GALNTL6: variants seen among roughly 807,000 people sequenced by gnomAD.
GALNTL6 encodes polypeptide N-acetylgalactosaminyltransferase like 6.
In GALNTL6, 46 loss-of-function variants were observed where a neutral mutation model predicts 73.7. The observed-to-expected ratio is 0.62, with a 90% confidence interval of 0.49 to 0.80. The LOEUF (loss-of-function observed/expected upper bound fraction) is 0.80. Among genes scored for constraint, GALNTL6 ranks in the 30% least tolerant of loss-of-function variants. GALNTL6 has a pLI of 0.00. For missense variants in GALNTL6, 604 were observed against 755.0 expected, an observed-to-expected ratio of 0.80 and a Z score of 2.34; for synonymous variants, 259 against 263.7, an observed-to-expected ratio of 0.98 and a Z score of 0.17.
intron 7 of GALNTL6, 120 bp from the exon 8 acceptor site, chr4:172,882,670 C>T: frequency 1.4e-6 from 1 of 709,302 alleles, no homozygotes; most frequent in Admixed American, 2.0e-5. Context: ...AAAACCAGTG[C>T]TGAAAAGTTC....
At chr4:172,017,360 G>T (rs1273578615) in intron 2 of GALNTL6, among the ~76,000 whole-genome samples, 1 of 152,142 alleles carries the variant, frequency 6.6e-6, no homozygotes, top group African/African-American at 2.4e-5. Context: ...GGGAGGGATT[G>T]TGACTCTGCT....
At chr4:172,644,362 T>C (rs1740134560) in intron 5 of GALNTL6, among the ~76,000 whole-genome samples, 1 of 151,860 alleles carries the variant, frequency 6.6e-6, no homozygotes, top group Admixed American at 6.6e-5. Context: ...GAACAAGATA[T>C]AGAACATACT....
intron 2 of GALNTL6, among the ~76,000 whole-genome samples, chr4:171,921,704 T>C (rs1450942404): frequency 1.3e-5 from 2 of 152,212 alleles, no homozygotes; most frequent in African/African-American, 4.8e-5. Flanking sequence ...ATTTCTAATT[T>C]TATTAAGTTG....
chr4:172,282,262 CGTACGTAT>C (rs1415667345), intron 3 of GALNTL6, among the ~76,000 whole-genome samples: 1 of 152,094 alleles, frequency 6.6e-6, no homozygotes, highest in African/African-American at 2.4e-5. Flanking sequence ...CAGATATCCA[CGTACGTAT>C]GAACATTGCT....
chr4:172,345,430 T>C (rs1741707381), intron 4 of GALNTL6, among the ~76,000 whole-genome samples: 1 of 152,172 alleles, frequency 6.6e-6, no homozygotes. Context: ...CCTAGAGATG[T>C]CTCTGAGTAG....
chr4:172,284,629 T>G (rs1297303792), intron 3 of GALNTL6, among the ~76,000 whole-genome samples: 2 of 152,220 alleles, frequency 1.3e-5, no homozygotes, highest in Non-Finnish European at 2.9e-5. Flanking sequence ...GGTCTTACAC[T>G]TAAGTCTTTC....
At chr4:172,694,058 G>A (rs1332432278) in intron 5 of GALNTL6, among the ~76,000 whole-genome samples, 2 of 151,784 alleles carry the variant, frequency 1.3e-5, no homozygotes, top group Admixed American at 6.6e-5. Flanking sequence ...TGCGTACTGA[G>A]GGCCAAGAAG....
intron 5 of GALNTL6, among the ~76,000 whole-genome samples, chr4:172,716,811 C>T (rs1390111160): frequency 6.6e-6 from 1 of 152,188 alleles, no homozygotes; most frequent in East Asian, 1.9e-4. Flanking sequence ...AAGTCTAAGT[C>T]CGCCTAAGTC....
intron 5 of GALNTL6, among the ~76,000 whole-genome samples, chr4:172,726,803 T>C (rs1735841258): frequency 6.6e-6 from 1 of 152,202 alleles, no homozygotes; most frequent in Non-Finnish European, 1.5e-5. Flanking sequence ...AACTCAGAAG[T>C]TGTCAGAACA....
intron 5 of GALNTL6, among the ~76,000 whole-genome samples, chr4:172,738,730 C>A (rs1560917472): frequency 1.3e-5 from 2 of 152,116 alleles, no homozygotes; most frequent in African/African-American, 4.8e-5. Context: ...TGGGGCACAG[C>A]TTGGTTTTAT....
intron 5 of GALNTL6, among the ~76,000 whole-genome samples, chr4:172,753,804 G>C (rs1024824952): frequency 6.6e-6 from 1 of 152,078 alleles, no homozygotes; most frequent in African/African-American, 2.4e-5. Flanking sequence ...GATTTAGTTT[G>C]AGCCATAATT....
chr4:172,005,435 C>A (rs968852281), intron 2 of GALNTL6, among the ~76,000 whole-genome samples: 3 of 152,100 alleles, frequency 2.0e-5, no homozygotes, highest in African/African-American at 7.2e-5. Context: ...ACTTAAAAAG[C>A]TTCAAAGAAA....
At chr4:172,750,609 A>G (rs1737368613) in intron 5 of GALNTL6, among the ~76,000 whole-genome samples, 1 of 151,354 alleles carries the variant, frequency 6.6e-6, no homozygotes, top group Non-Finnish European at 1.5e-5. Flanking sequence ...CAAATCTGCA[A>G]CTCCTCCCTT....
At chr4:172,814,477 A>G (rs1030229502) in intron 7 of GALNTL6, among the ~76,000 whole-genome samples, 27 of 152,292 alleles carry the variant, frequency 1.8e-4, no homozygotes, top group African/African-American at 6.0e-4. Flanking sequence ...TAGCCCAGAG[A>G]TTATCCAAGG....
rs367634864 is a variant in GALNTL6, at chr4:172,013,468, T to C, written c.138+198750T>C. Among the ~76,000 whole-genome samples, 13 of 145,278 alleles carry C rather than the reference T, an allele frequency of 8.9e-5. No individual in the cohort carries two copies. In the South Asian group the frequency reaches 1.4e-3, roughly 15 times the overall value. On this transcript the variant is annotated intron_variant, in intron 2 of 12. Coordinates refer to ENST00000506823, the MANE Select transcript of GALNTL6 (RefSeq NM_001034845.3). ...ACACTATGTCCTCGAGTGTCATCCA[T>C]ATCAGCTCAAATAATAGGATTTTAT...
intron 3 of GALNTL6, among the ~76,000 whole-genome samples, chr4:172,263,435 ATTTTTC>A (rs1352614565): frequency 6.6e-6 from 1 of 151,158 alleles, no homozygotes; most frequent in Non-Finnish European, 1.5e-5. Context: ...TGCAGTTTGC[ATTTTTC>A]TAAGTGTGTC....
intron 5 of GALNTL6, among the ~76,000 whole-genome samples, chr4:172,653,906 T>C (rs1730835951): frequency 6.6e-6 from 1 of 152,212 alleles, no homozygotes; most frequent in Non-Finnish European, 1.5e-5. Flanking sequence ...CACCACAGAG[T>C]AGACAGCATA....
chr4:171,853,079 G>A (rs1369797796), intron 2 of GALNTL6, among the ~76,000 whole-genome samples: 3 of 145,436 alleles, frequency 2.1e-5, no homozygotes, highest in Non-Finnish European at 4.5e-5. Context: ...TAGCCAGGAT[G>A]GTTTTGATCT....
Position 172,752,008 on chromosome 4 carries a change from T to C in GALNTL6, c.554-57353T>C, listed in dbSNP as rs144161101. ...GACTATGCAGTGGCCCTAAGAGGAA[T>C]AAGTAATTATGTTAAGTAATCCATA... On this transcript the variant is annotated intron_variant, in intron 5 of 12. Transcript: ENST00000506823. Among the ~76,000 whole-genome samples, 250 of 136,072 alleles carry C rather than the reference T, an allele frequency of 1.8e-3. 1 individual carries two copies. Among genetic ancestry groups the C allele is most frequent in the African/African-American group, 6.6e-3 (243 of 36,880 alleles). The allele number at this position is 136,072 out of a possible 152,430, so 89.3% of individuals were successfully genotyped here. A position where few individuals can be genotyped will look rare whatever the true frequency, so the allele number is the denominator to read the frequency against.
Sources: gnomAD v4.1 joint callset for allele counts (sites outside exome capture counted in the v4.1 genomes callset) on GRCh38, gnomAD v4.1.1 for gene constraint, MANE v1.5 for transcripts, NCBI Gene and HGNC (gene_info 2026-07-23, HGNC 2026-07-21) for gene names.